The following NR3C2 variants were observed in gnomAD, a reference collection of about 807,000 sequenced individuals.
The protein encoded by NR3C2 is nuclear receptor subfamily 3 group C member 2.
A neutral mutation model predicts 86.4 loss-of-function variants in NR3C2; 15 were observed. The observed-to-expected ratio is 0.17, with a 90% CI of 0.12 to 0.27. The LOEUF is 0.27. Among genes scored for constraint, NR3C2 ranks in the 10% least tolerant of loss-of-function variants. The pLI is 1.00. For missense variants in NR3C2, 960 were observed against 1,195.6 expected (o/e 0.80, Z 2.91); for synonymous variants, 458 against 450.5 (o/e 1.02, Z -0.21).
intron 2 of NR3C2, among the ~76,000 whole-genome samples, chr4:148,407,049 G>C (rs1372366142): frequency 6.6e-6 from 1 of 152,210 alleles, no homozygotes; most frequent in African/African-American, 2.4e-5. Flanking sequence ...TGCGCTAAAT[G>C]TATCTGTGGG....
At chr4:148,281,018 A>C (rs1741208006) in intron 2 of NR3C2, among the ~76,000 whole-genome samples, 1 of 152,214 alleles carries the variant, frequency 6.6e-6, no homozygotes, top group East Asian at 1.9e-4. Context: ...CTTGGGCTAG[A>C]GCTGTGGCAC....
rs756250431 is a variant in NR3C2 at position 148,114,280 on chromosome 4, A to G, written c.2642-19T>C. 1.2e-6 allele frequency: 2 copies of G among 1,613,232 alleles called. No individual in the cohort carries two copies. Among genetic ancestry groups the G allele is most frequent in the East Asian group, 4.5e-5 (2 of 44,866 alleles). ...TTTGGAACTGTGTTAAGGAAAACAG[A>G]CATGTAAATTTCCAGGATGGAAAAC... On this transcript the variant is annotated intron_variant, in intron 7 of 8. Transcript: ENST00000358102.
intron 7 of NR3C2, among the ~76,000 whole-genome samples, chr4:148,117,329 G>A (rs941748930): frequency 1.3e-5 from 2 of 152,290 alleles, no homozygotes; most frequent in Non-Finnish European, 2.9e-5. Context: ...CAGGACTGCC[G>A]GTTTGCCCCC....
At chr4:148,141,446 TCACA>T (rs763844203) in intron 6 of NR3C2, among the ~76,000 whole-genome samples, 1 of 149,298 alleles carries the variant, frequency 6.7e-6, no homozygotes, top group South Asian at 2.1e-4. Flanking sequence ...TCCCTCTCTC[TCACA>T]CACACACACA....
At position 148,155,467 on chromosome 4, in the gene NR3C2, T is replaced by C. The variant is rs557310917; in HGVS notation, c.2015-566A>G. On this transcript the variant is annotated intron_variant, in intron 4 of 8. Coordinates refer to ENST00000358102, the MANE Select transcript of NR3C2 (RefSeq NM_000901.5). Reference sequence around the variant, plus strand: ...AATCACAAGCATTCTTATACACCAATAACAGACAAACAGAGAGCCAAATCA... The same window carrying C: ...AATCACAAGCATTCTTATACACCAACAACAGACAAACAGAGAGCCAAATCA... 3.9e-5 allele frequency among the ~76,000 whole-genome samples: 6 copies of C among 152,038 alleles called. No homozygotes were observed. In the South Asian group the frequency reaches 1.0e-3, roughly 26 times the overall value.
chr4:148,364,467 G>A lies in NR3C2; in HGVS notation c.1757+70637C>T, dbSNP rs188499482. ...ACTATATTGGAATTGGCTTGTTCCC[G>A]TAGAAGTTCCCTATAAAGAGTAATG... On this transcript the variant is annotated intron_variant, in intron 2 of 8. Transcript: ENST00000358102. Among the ~76,000 whole-genome samples, 207 of 152,242 alleles carry A rather than the reference G, an allele frequency of 1.4e-3. 1 individual carries two copies. The highest frequency in any genetic ancestry group is 4.0e-3 in the African/African-American group (165 of 41,528).
intron 6 of NR3C2, among the ~76,000 whole-genome samples, chr4:148,135,055 A>G (rs1370599859): frequency 1.3e-5 from 2 of 152,094 alleles, no homozygotes; most frequent in South Asian, 4.1e-4. Flanking sequence ...TGCTTTGTAC[A>G]AAGAACTGGA....
At chr4:148,190,063 T>A (rs1304812150) in intron 4 of NR3C2, among the ~76,000 whole-genome samples, 1 of 152,206 alleles carries the variant, frequency 6.6e-6, no homozygotes, top group Non-Finnish European at 1.5e-5. Context: ...TCTTGGTTAT[T>A]GCTTTTCTTC....
At chr4:148,421,621 T>C (rs1170609716) in intron 2 of NR3C2, among the ~76,000 whole-genome samples, 5 of 152,244 alleles carry the variant, frequency 3.3e-5, no homozygotes, top group Admixed American at 6.5e-5. Context: ...GACAATGTAC[T>C]GACTCTGACA....
In NR3C2 at chr4:148,435,912, T is replaced by C. The variant is rs773263243; in HGVS notation, c.949A>G (p.Asn317Asp). 9 of 1,614,172 alleles carry C rather than the reference T, an allele frequency of 5.6e-6. No individual in the cohort carries two copies. The highest frequency in any genetic ancestry group is 2.2e-5 in the East Asian group (1 of 44,880). The change falls in exon 2 of 9, where the codon AAT becomes GAT. Residue 317 changes from asparagine to aspartate, a missense_variant. By Grantham distance (23) the Asn-to-Asp change is conservative. Coordinates refer to ENST00000358102, the MANE Select transcript of NR3C2 (RefSeq NM_000901.5). ...RCSVSSPSNT[N>D]NRSTLSSPAA... ...GGACTGGAAAGCGTGGATCTGTTAT[T>C]AGTGTTCGAAGGGCTGGAAACAGAG...
intron 2 of NR3C2, among the ~76,000 whole-genome samples, chr4:148,347,157 A>G (rs1238904181): frequency 6.6e-6 from 1 of 152,188 alleles, no homozygotes; most frequent in Non-Finnish European, 1.5e-5. Context: ...TGAAACAGGA[A>G]TAAGTGAAAA....
chr4:148,339,709 A>G (rs1744661623), intron 2 of NR3C2, among the ~76,000 whole-genome samples: 1 of 152,180 alleles, frequency 6.6e-6, no homozygotes, highest in African/African-American at 2.4e-5. Context: ...AGCCAGAGCA[A>G]TTAGACAAGA....
At chr4:148,227,531 C>A (rs1359703431) in intron 3 of NR3C2, among the ~76,000 whole-genome samples, 1 of 152,142 alleles carries the variant, frequency 6.6e-6, no homozygotes, top group Admixed American at 6.6e-5. Flanking sequence ...TATATTTTCA[C>A]CTACTAATTT....
intron 2 of NR3C2, among the ~76,000 whole-genome samples, chr4:148,336,959 T>C (rs1433780788): frequency 6.6e-6 from 1 of 151,872 alleles, no homozygotes; most frequent in Non-Finnish European, 1.5e-5. Flanking sequence ...GCCTGACTAA[T>C]TTTTTTTACA....
At chr4:148,150,912 C>T (rs929190098) in intron 6 of NR3C2, among the ~76,000 whole-genome samples, 1 of 151,908 alleles carries the variant, frequency 6.6e-6, no homozygotes, top group Non-Finnish European at 1.5e-5. Context: ...GAGCCAGGCA[C>T]AAAAGGACAA....
At chr4:148,082,660 C>A (rs763657417) in intron 8 of NR3C2, among the ~76,000 whole-genome samples, 93 of 120,376 alleles carry the variant, frequency 7.7e-4, no homozygotes, top group South Asian at 2.7e-3. Flanking sequence ...ACTGAGCTAG[C>A]TGCAGTTTTT....
chr4:148,312,244 A>G (rs1209889701), intron 2 of NR3C2, among the ~76,000 whole-genome samples: 1 of 152,168 alleles, frequency 6.6e-6, no homozygotes. Context: ...GGTAACAAAT[A>G]CTCAAAACTC....
At chr4:148,426,932 T>C (rs1430801823) in intron 2 of NR3C2, among the ~76,000 whole-genome samples, 1 of 151,944 alleles carries the variant, frequency 6.6e-6, no homozygotes, top group Non-Finnish European at 1.5e-5. Context: ...CCAAACCTAT[T>C]ATTGACCTCT....
chr4:148,363,469 A>C (rs1314735813), intron 2 of NR3C2, among the ~76,000 whole-genome samples: 2 of 138,910 alleles, frequency 1.4e-5, no homozygotes, highest in African/African-American at 2.6e-5. Context: ...TTACAGCACT[A>C]CTCGTAACCA....
Sources: allele counts gnomAD v4.1 joint callset (sites outside exome capture counted in the v4.1 genomes callset), GRCh38; gene constraint gnomAD v4.1.1; transcripts MANE v1.5; gene names NCBI Gene and HGNC (gene_info 2026-07-23, HGNC 2026-07-21).